The following TFEC variants were observed in gnomAD, a reference collection of about 807,000 sequenced individuals.
TFEC encodes transcription factor EC.
A neutral mutation model predicts 41.6 loss-of-function variants in TFEC; 31 were observed. The observed-to-expected ratio is 0.74, with a 90% CI of 0.56 to 1.01. TFEC has a LOEUF of 1.01. Among genes scored for constraint, TFEC ranks in the 50% least tolerant of loss-of-function variants. TFEC has a pLI of 0.00. For synonymous variants in TFEC, 143 were observed against 140.6 expected (o/e 1.02, Z -0.12); for missense variants, 402 against 404.1 (o/e 0.99, Z 0.04).
intron 1 of TFEC, among the ~76,000 whole-genome samples, chr7:116,011,671 T>C (rs1795006138): frequency 1.3e-5 from 2 of 152,284 alleles, no homozygotes; most frequent in South Asian, 4.1e-4. Flanking sequence ...TTTTGACATT[T>C]GCCTCCCAAT....
At chr7:116,107,514 G>A (rs760240542) in intron 3 of TFEC, among the ~76,000 whole-genome samples, 7 of 152,158 alleles carry the variant, frequency 4.6e-5, no homozygotes, top group Non-Finnish European at 8.8e-5. Context: ...CTGCAAGGAG[G>A]AGCTGGTCTG....
intron 3 of TFEC, among the ~76,000 whole-genome samples, chr7:116,060,584 T>C (rs2130987158): frequency 6.6e-6 from 1 of 152,216 alleles, no homozygotes; most frequent in East Asian, 1.9e-4. Context: ...AGCTGGGGGC[T>C]ATTAGCCTTA....
chr7:116,154,685 CT>C (rs938611187), intron 1 of TFEC, among the ~76,000 whole-genome samples: 39 of 152,144 alleles, frequency 2.6e-4, no homozygotes, highest in Admixed American at 1.8e-3. Flanking sequence ...AGCCTAATTC[CT>C]TTCTCCCAGG....
At chr7:116,036,466 A>G (rs142655684) in intron 3 of TFEC, among the ~76,000 whole-genome samples, 1 of 152,094 alleles carries the variant, frequency 6.6e-6, no homozygotes, top group Non-Finnish European at 1.5e-5. Flanking sequence ...CACTGAAATG[A>G]TATAGGGGAT....
intron 1 of TFEC, among the ~76,000 whole-genome samples, chr7:116,122,929 G>A (rs1180947904): frequency 2.0e-5 from 3 of 152,048 alleles, no homozygotes; most frequent in Admixed American, 6.6e-5. Context: ...CCTTAGAGCA[G>A]TGCCCAGGGT....
intron 1 of TFEC, among the ~76,000 whole-genome samples, chr7:116,159,495 G>A (rs1367826416): frequency 6.6e-6 from 1 of 151,940 alleles, no homozygotes; most frequent in Non-Finnish European, 1.5e-5. Context: ...ATTTTGCACA[G>A]TCCAAAAAGA....
At position 115,977,898 on chromosome 7, in the gene TFEC, A is replaced by C. The variant is rs569196662; in HGVS notation, c.181-3642T>G. Among the ~76,000 whole-genome samples the C allele has an allele frequency of 2.5e-3, 191 of 74,988 alleles. 1 individual carries two copies. Among genetic ancestry groups the C allele is most frequent in the Non-Finnish European group, 2.2e-3 (82 of 37,036 alleles). The allele number at this position is 74,988 out of a possible 152,430, so 49.2% of individuals were successfully genotyped here. On this transcript the variant is annotated intron_variant, in intron 2 of 7. Coordinates refer to ENST00000265440, the MANE Select transcript of TFEC (RefSeq NM_012252.4). The stretch of plus-strand genomic sequence containing the variant: ...TATATAATGTTAAACAAGGATATAG[A>C]TGTAGAAAAAAACATAATGATGACT...
intron 3 of TFEC, among the ~76,000 whole-genome samples, chr7:116,070,033 T>C (rs1796788779): frequency 6.6e-6 from 1 of 151,422 alleles, no homozygotes; most frequent in Non-Finnish European, 1.5e-5. Flanking sequence ...ATTATAAATA[T>C]ACATACATAC....
intron 3 of TFEC, among the ~76,000 whole-genome samples, chr7:116,063,296 G>GA (rs35782991): frequency 6.6e-6 from 1 of 152,098 alleles, no homozygotes; most frequent in Non-Finnish European, 1.5e-5. Flanking sequence ...AAAGGTTCAG[G>GA]AAAAAAGGTT....
At chr7:115,953,162 G>C (rs74885506) in intron 5 of TFEC, among the ~76,000 whole-genome samples, 1 of 151,256 alleles carries the variant, frequency 6.6e-6, no homozygotes, top group Non-Finnish European at 1.5e-5. Context: ...GGAATAGGGG[G>C]TGCAGAAAGA....
rs535479298 is a variant in TFEC at position 116,150,363 on chromosome 7, G to GA, written c.-69+9426dup. On this transcript the variant is annotated intron_variant, in intron 1 of 8. Transcript: ENST00000484212. ...ACATGCATGAATTATTTTTACAATAGAAAAAAATTATTTAGTAAATTTTAG... is the reference window on the plus strand; with the variant it reads ...ACATGCATGAATTATTTTTACAATAGAAAAAAAATTATTTAGTAAATTTTAG... Among the ~76,000 whole-genome samples the GA allele has an allele frequency of 3.5e-3, 539 of 152,006 alleles. 5 individuals are homozygous for GA. The highest frequency in any genetic ancestry group is 0.012 in the African/African-American group (492 of 41,470).
intron 3 of TFEC, among the ~76,000 whole-genome samples, chr7:116,036,889 T>C (rs1795924367): frequency 6.6e-6 from 1 of 152,056 alleles, no homozygotes; most frequent in Admixed American, 6.6e-5. Flanking sequence ...ACCATGAAAG[T>C]AGAGGTTGTC....
chr7:116,132,731 G>A (rs9690159), intron 1 of TFEC, among the ~76,000 whole-genome samples: 2 of 152,156 alleles, frequency 1.3e-5, no homozygotes, highest in Non-Finnish European at 2.9e-5. Flanking sequence ...GAGACACCTC[G>A]GGAACTATAG....
chr7:116,106,567 T>C (rs980257888), intron 3 of TFEC, among the ~76,000 whole-genome samples: 1 of 152,060 alleles, frequency 6.6e-6, no homozygotes, highest in Non-Finnish European at 1.5e-5. Flanking sequence ...ATTTTGTTTT[T>C]AGTAGAGACA....
chr7:115,978,787 C>T (rs1219232558), intron 2 of TFEC, among the ~76,000 whole-genome samples: 1 of 152,122 alleles, frequency 6.6e-6, no homozygotes, highest in Non-Finnish European at 1.5e-5. Flanking sequence ...CTAATTCTTT[C>T]TTTGGCATCA....
chr7:115,964,629 T>C (rs1314960389), intron 3 of TFEC, among the ~76,000 whole-genome samples: 2 of 151,608 alleles, frequency 1.3e-5, no homozygotes, highest in Non-Finnish European at 3.0e-5. Flanking sequence ...GTTAATCCCA[T>C]TTATTATAAA....
chr7:116,056,908 T>G (rs773346897), intron 3 of TFEC, among the ~76,000 whole-genome samples: 10 of 151,970 alleles, frequency 6.6e-5, no homozygotes, highest in Non-Finnish European at 1.3e-4. Context: ...AAAAAGGCAC[T>G]AAAACAGTTA....
chr7:116,143,316 T>C (rs928942024), intron 1 of TFEC, among the ~76,000 whole-genome samples: 39 of 152,138 alleles, frequency 2.6e-4, no homozygotes, highest in Admixed American at 2.6e-3. Flanking sequence ...TAAACTCCTA[T>C]CTTATCTGCA....
chr7:116,023,863 CTT>C (rs1476605660), intron 1 of TFEC, among the ~76,000 whole-genome samples: 2 of 152,142 alleles, frequency 1.3e-5, no homozygotes, highest in Admixed American at 1.3e-4. Flanking sequence ...CACACTCTGA[CTT>C]TTGACTTTTC....
Sources: allele counts gnomAD v4.1 joint callset (sites outside exome capture counted in the v4.1 genomes callset), GRCh38; gene constraint gnomAD v4.1.1; transcripts MANE v1.5; gene names NCBI Gene and HGNC (gene_info 2026-07-23, HGNC 2026-07-21).